Variants in C8B observed in about 807,000 individuals in gnomAD.
The protein encoded by C8B is complement C8 beta chain.
Under a neutral mutation model 64.6 loss-of-function variants are expected in C8B, and 67 were observed. That is an observed-to-expected ratio of 1.04 (90% CI 0.85 to 1.27). The LOEUF (loss-of-function observed/expected upper bound fraction) is 1.27. Among genes scored for constraint, C8B ranks in the 50% most tolerant of loss-of-function variants. The pLI is 0.00. For missense variants in C8B, 790 were observed against 725.2 expected, an observed-to-expected ratio of 1.09 and a Z score of -1.03; for synonymous variants, 284 against 257.7, an observed-to-expected ratio of 1.10 and a Z score of -0.98.
chr1:56,940,661 T>C (rs1048790310), intron 9 of C8B, among the ~76,000 whole-genome samples, 188 bp downstream of exon 9: 12 of 152,096 alleles, frequency 7.9e-5, no homozygotes, highest in African/African-American at 2.9e-4. Flanking sequence ...GAGTCAAGGG[T>C]CTCTAGGTAG....
At chr1:56,930,024 G>C (rs1424042460) in intron 11 of C8B, among the ~76,000 whole-genome samples, 1 of 152,084 alleles carries the variant, frequency 6.6e-6, no homozygotes, top group Middle Eastern at 3.2e-3. Flanking sequence ...TTGTGACTGG[G>C]GCTGTATCTT....
intron 5 of C8B, among the ~76,000 whole-genome samples, chr1:56,950,992 G>A (rs938945103): frequency 6.6e-5 from 10 of 152,152 alleles, no homozygotes; most frequent in South Asian, 4.1e-4. Flanking sequence ...TGTGTTTGGC[G>A]CTAAGCCAAA....
chr1:56,947,813 C>A (rs1451287810), intron 6 of C8B, among the ~76,000 whole-genome samples: 1 of 152,070 alleles, frequency 6.6e-6, no homozygotes, highest in South Asian at 2.1e-4. Flanking sequence ...TGCCTGTAGT[C>A]CCAGCTGCTT....
At chr1:56,938,027 GT>G (rs1168851521) in intron 9 of C8B, among the ~76,000 whole-genome samples, 1 of 152,144 alleles carries the variant, frequency 6.6e-6, no homozygotes, top group Non-Finnish European at 1.5e-5. Context: ...TTTCAGCTTT[GT>G]TTTGTTTTCA....
intron 8 of C8B, among the ~76,000 whole-genome samples, 156 bp from the exon 9 acceptor site, chr1:56,941,168 G>A (rs1156769329): frequency 6.6e-6 from 1 of 152,170 alleles, no homozygotes; most frequent in Admixed American, 6.5e-5. Flanking sequence ...GGGCAGTCAT[G>A]GTGCATGGGG....
intron 8 of C8B, 104 bp from the exon 9 acceptor site, chr1:56,941,116 T>A (rs1644847999): frequency 7.8e-7 from 1 of 1,285,340 alleles, no homozygotes; most frequent in Admixed American, 2.0e-5. Flanking sequence ...TCACTGAACT[T>A]GTCTGAGAGA....
chr1:56,960,594 A>C (rs955362731), intron 1 of C8B, among the ~76,000 whole-genome samples: 1 of 152,214 alleles, frequency 6.6e-6, no homozygotes, highest in South Asian at 2.1e-4. Flanking sequence ...AGAGCCTGGT[A>C]GTAGGGAAAC....
chr1:56,943,071 C>G (rs1644888245), intron 8 of C8B, among the ~76,000 whole-genome samples: 1 of 150,740 alleles, frequency 6.6e-6, no homozygotes, highest in South Asian at 2.1e-4. Flanking sequence ...AAGACTCTGT[C>G]TCAAAAAAAT....
At chr1:56,934,248 C>T (rs1043898814) in intron 9 of C8B, among the ~76,000 whole-genome samples, 1 of 151,798 alleles carries the variant, frequency 6.6e-6, no homozygotes, top group African/African-American at 2.4e-5. Context: ...GGTCCAGCCC[C>T]CAGCTAAGTG....
intron 6 of C8B, among the ~76,000 whole-genome samples, chr1:56,947,813 C>T (rs1451287810): frequency 1.3e-5 from 2 of 152,070 alleles, no homozygotes; most frequent in African/African-American, 4.8e-5. Context: ...TGCCTGTAGT[C>T]CCAGCTGCTT....
At chr1:56,932,533 C>A in intron 10 of C8B, among the ~76,000 whole-genome samples, 1 of 152,138 alleles carries the variant, frequency 6.6e-6, no homozygotes, top group East Asian at 1.9e-4. Flanking sequence ...AGATTAAAAT[C>A]TTGAGTTGAT....
intron 6 of C8B, among the ~76,000 whole-genome samples, chr1:56,946,871 T>C (rs565490952): frequency 6.6e-6 from 1 of 152,316 alleles, no homozygotes; most frequent in Admixed American, 6.5e-5. Context: ...TCCTAAATCC[T>C]TCAGTTCTAC....
rs1056787928 is a variant in C8B, at chr1:56,943,663, T to C, written c.1234+33A>G. On this transcript the variant is annotated intron_variant, in intron 8 of 11. Coordinates refer to ENST00000371237, the MANE Select transcript of C8B (RefSeq NM_000066.4). ...AGAGGCACTAGGAGGATAAACATTA[T>C]AAGTGTGGAAGTCACAAGCCCCTGT... The C allele has an allele frequency of 1.9e-6, 3 of 1,613,288 alleles. No homozygotes were observed. The African/African-American group carries it at 4.0e-5, about 22-fold the overall frequency.
intron 5 of C8B, 89 bp from the exon 6 acceptor site, chr1:56,949,841 TG>T (rs1486819921): frequency 1.1e-6 from 1 of 879,530 alleles, no homozygotes; most frequent in African/African-American, 1.7e-5. Context: ...ACTCCTACCA[TG>T]TGCTGGATAC....
chr1:56,962,418 G>A (rs1424800155), intron 1 of C8B, among the ~76,000 whole-genome samples: 3 of 152,190 alleles, frequency 2.0e-5, no homozygotes, highest in African/African-American at 7.2e-5. Context: ...TGGGACTAAC[G>A]AGGAGCCACA....
intron 1 of C8B, among the ~76,000 whole-genome samples, chr1:56,960,976 T>C (rs1351124210): frequency 6.6e-6 from 1 of 151,808 alleles, no homozygotes. Context: ...GATCTGATCA[T>C]GGAAAGCTAT....
intron 8 of C8B, among the ~76,000 whole-genome samples, chr1:56,941,436 T>C (rs1644853877): frequency 6.6e-6 from 1 of 151,934 alleles, no homozygotes; most frequent in Admixed American, 6.6e-5. Flanking sequence ...AGGAGATAGA[T>C]AATAGATTGA....
chr1:56,953,156 T>A (rs1645050531), intron 4 of C8B, among the ~76,000 whole-genome samples: 1 of 152,128 alleles, frequency 6.6e-6, no homozygotes, highest in Admixed American at 6.5e-5. Flanking sequence ...AGACATTATT[T>A]GTAACTGCCT....
At chr1:56,935,669 A>G (rs1570373585) in intron 9 of C8B, among the ~76,000 whole-genome samples, 1 of 152,252 alleles carries the variant, frequency 6.6e-6, no homozygotes, top group African/African-American at 2.4e-5. Flanking sequence ...CTTTGCAACA[A>G]TCTTATGAGT....
Sources: gnomAD v4.1 joint callset for allele counts (sites outside exome capture counted in the v4.1 genomes callset) on GRCh38, gnomAD v4.1.1 for gene constraint, MANE v1.5 for transcripts, NCBI Gene and HGNC (gene_info 2026-07-23, HGNC 2026-07-21) for gene names.